Variants in FAM135B observed in about 807,000 individuals in gnomAD.
The protein encoded by FAM135B is protein FAM135B.
FAM135B carries 43 observed loss-of-function variants against 127.7 expected under a neutral mutation model. The ratio of observed to expected loss-of-function variants is 0.34; its 90% CI spans 0.26 to 0.43. FAM135B has a LOEUF of 0.43. Among genes scored for constraint, FAM135B ranks in the 20% least tolerant of loss-of-function variants. FAM135B has a pLI of 1.00. For missense variants in FAM135B, 1,558 were observed against 1,725.6 expected (o/e 0.90, Z 1.72); for synonymous variants, 670 against 665.1 (o/e 1.01, Z -0.11).
At chr8:138,392,867 C>T (rs1370904841) in intron 1 of FAM135B, among the ~76,000 whole-genome samples, 5 of 152,184 alleles carry the variant, frequency 3.3e-5, no homozygotes, top group Non-Finnish European at 5.9e-5. Flanking sequence ...GAAACTACCT[C>T]CCAGACTGTG....
At chr8:138,383,778 T>G (rs939211126) in intron 1 of FAM135B, among the ~76,000 whole-genome samples, 2 of 152,204 alleles carry the variant, frequency 1.3e-5, no homozygotes, top group African/African-American at 4.8e-5. Flanking sequence ...TTTGTTGGTT[T>G]GTTTCTTCCT....
intron 11 of FAM135B, among the ~76,000 whole-genome samples, chr8:138,169,646 C>T (rs551589229): frequency 3.9e-5 from 6 of 152,220 alleles, no homozygotes; most frequent in Non-Finnish European, 8.8e-5. Flanking sequence ...CCTTTTGCCA[C>T]CTTCTGAATC....
At position 138,369,073 on chromosome 8, in the gene FAM135B, T is replaced by A. The variant is rs539978021; in HGVS notation, c.-19-1071A>T. On this transcript the variant is annotated intron_variant, in intron 1 of 19. Coordinates refer to ENST00000395297, the MANE Select transcript of FAM135B (RefSeq NM_015912.4). ...GCTGGTGGTGTGGCCTTTGGTAAGA[T>A]CCTCCCATTCTCCAAGCCTGTTTAC... Among the ~76,000 whole-genome samples the A allele has an allele frequency of 4.9e-4, 75 of 152,200 alleles. No individual in the cohort carries two copies. The South Asian group carries it at 0.015, about 31-fold the overall frequency.
intron 3 of FAM135B, among the ~76,000 whole-genome samples, chr8:138,295,883 A>T (rs148452859): frequency 1.3e-5 from 2 of 152,212 alleles, no homozygotes; most frequent in African/African-American, 2.4e-5. Context: ...GGTAGGAAAT[A>T]AATAAAAAAA....
At chr8:138,396,506 C>T (rs1832861141) in intron 1 of FAM135B, among the ~76,000 whole-genome samples, 1 of 152,144 alleles carries the variant, frequency 6.6e-6, no homozygotes, top group Non-Finnish European at 1.5e-5. Flanking sequence ...TGTCCTTCCT[C>T]CTGGCATCTG....
chr8:138,226,375 A>C (rs536950850), intron 7 of FAM135B, among the ~76,000 whole-genome samples: 1 of 152,116 alleles, frequency 6.6e-6, no homozygotes, highest in African/African-American at 2.4e-5. Context: ...GAATTCTGTT[A>C]CAATGTATGC....
At position 138,302,643 on chromosome 8, in the gene FAM135B, T is replaced by C. The variant is rs546034593; in HGVS notation, c.157+8198A>G. 3.9e-5 allele frequency among the ~76,000 whole-genome samples: 6 copies of C among 152,328 alleles called. No individual in the cohort carries two copies. In the South Asian group the frequency reaches 1.0e-3, roughly 26 times the overall value. ...CAGAAATCAGGACACCACAAGTCAG[T>C]TGTGCCTCACAAAAGAGGGCACCTT... On this transcript the variant is annotated intron_variant, in intron 3 of 19. Coordinates refer to ENST00000395297, the MANE Select transcript of FAM135B (RefSeq NM_015912.4).
intron 1 of FAM135B, among the ~76,000 whole-genome samples, chr8:138,429,130 A>AT (rs1407410310): frequency 9.2e-5 from 14 of 152,168 alleles, no homozygotes; most frequent in Non-Finnish European, 1.5e-5. Flanking sequence ...ATAACGGGGC[A>AT]TTGGATCTAG....
intron 7 of FAM135B, among the ~76,000 whole-genome samples, chr8:138,231,962 T>C (rs1177296134): frequency 6.6e-6 from 1 of 152,140 alleles, no homozygotes; most frequent in Non-Finnish European, 1.5e-5. Context: ...AAAGGGGAAA[T>C]ACCTTACCCT....
At chr8:138,320,343 A>G (rs919154685) in intron 2 of FAM135B, among the ~76,000 whole-genome samples, 1 of 152,178 alleles carries the variant, frequency 6.6e-6, no homozygotes, top group Non-Finnish European at 1.5e-5. Flanking sequence ...ATAGCTAGTC[A>G]ATGGATAGTT....
chr8:138,196,422 CA>C (rs550145797), intron 8 of FAM135B, among the ~76,000 whole-genome samples: 6 of 152,198 alleles, frequency 3.9e-5, no homozygotes, highest in Admixed American at 6.5e-5. Context: ...TTCAATTCAA[CA>C]ACTATAACCC....
At chr8:138,247,656 CG>C (rs1312995162) in intron 6 of FAM135B, among the ~76,000 whole-genome samples, 6 of 152,156 alleles carry the variant, frequency 3.9e-5, no homozygotes, top group African/African-American at 1.4e-4. Context: ...TCTGCCCTTT[CG>C]GTTGGCATAA....
At chr8:138,491,466 T>C (rs1031262259) in intron 1 of FAM135B, among the ~76,000 whole-genome samples, 1 of 152,204 alleles carries the variant, frequency 6.6e-6, no homozygotes, top group Non-Finnish European at 1.5e-5. Context: ...ATTGCAGCTA[T>C]GTAGGAAATA....
chr8:138,468,697 C>T (rs1837508367), intron 1 of FAM135B, among the ~76,000 whole-genome samples: 1 of 152,138 alleles, frequency 6.6e-6, no homozygotes, highest in Admixed American at 6.5e-5. Context: ...TTTTCCATTA[C>T]TTTCAAAGGG....
In FAM135B at chr8:138,455,787, A is replaced by T. The variant is rs1836742668; in HGVS notation, c.-20+40884T>A. On this transcript the variant is annotated intron_variant, in intron 1 of 19. Coordinates refer to ENST00000395297, the MANE Select transcript of FAM135B (RefSeq NM_015912.4). The stretch of plus-strand genomic sequence containing the variant: ...AAGGGTCCATCACCACTATGGTGGT[A>T]CAGTTTCTAAGTACCTGACTTCATC... 2.6e-5 allele frequency among the ~76,000 whole-genome samples: 4 copies of T among 152,278 alleles called. No homozygotes were observed. The South Asian group carries it at 6.2e-4, about 24-fold the overall frequency.
chr8:138,491,269 G>A (rs1463869165), intron 1 of FAM135B, among the ~76,000 whole-genome samples: 2 of 152,106 alleles, frequency 1.3e-5, no homozygotes, highest in East Asian at 3.9e-4. Context: ...AAAGAATGGG[G>A]TGGAAAGAAT....
intron 15 of FAM135B, among the ~76,000 whole-genome samples, chr8:138,144,131 G>A (rs1817453880): frequency 2.0e-5 from 3 of 152,184 alleles, no homozygotes; most frequent in Non-Finnish European, 2.9e-5. Context: ...TAAAAATTAG[G>A]TAAAATAGGC....
intron 2 of FAM135B, among the ~76,000 whole-genome samples, chr8:138,317,837 G>T (rs1276544052): frequency 6.6e-6 from 1 of 152,214 alleles, no homozygotes. Context: ...CCCAGTGGAA[G>T]CACATTTACA....
At chr8:138,247,657 G>A (rs929743279) in intron 6 of FAM135B, among the ~76,000 whole-genome samples, 16 of 152,114 alleles carry the variant, frequency 1.1e-4, no homozygotes, top group Admixed American at 3.3e-4. Context: ...CTGCCCTTTC[G>A]GTTGGCATAA....
Sources: allele counts gnomAD v4.1 joint callset (sites outside exome capture counted in the v4.1 genomes callset), GRCh38; gene constraint gnomAD v4.1.1; transcripts MANE v1.5; gene names NCBI Gene and HGNC (gene_info 2026-07-23, HGNC 2026-07-21).